Variants in PRKX observed in about 807,000 individuals in gnomAD.
PRKX encodes the protein cAMP-dependent protein kinase catalytic subunit PRKX.
In PRKX, 12 loss-of-function variants were observed where a neutral mutation model predicts 22.0. The observed-to-expected ratio is 0.54, with a 90% CI of 0.35 to 0.88. The LOEUF (loss-of-function observed/expected upper bound fraction) is 0.88, where lower values mean the gene tolerates loss of function less well. Among genes scored for constraint, PRKX ranks in the 40% least tolerant of loss-of-function variants. The pLI, the probability that PRKX is intolerant of heterozygous loss-of-function variation, is 0.01. For synonymous variants in PRKX, 134 were observed against 137.7 expected (o/e 0.97, Z 0.19); for missense variants, 217 against 308.0 (o/e 0.70, Z 2.21).
At position 3,623,071 on chromosome X, in the gene PRKX, G is replaced by A. The variant is rs916069207; in HGVS notation, c.816-1755C>T. 1.0e-4 allele frequency among the ~76,000 whole-genome samples: 10 copies of A among 100,068 alleles called. 1 individual carries two copies. The South Asian group carries it at 2.5e-3, about 25-fold the overall frequency. 86.9% of individuals were successfully genotyped at this position (100,068 alleles called of 115,157 possible). A position where few individuals can be genotyped will look rare whatever the true frequency, so the allele number is the denominator to read the frequency against. On this transcript the variant is annotated intron_variant, in intron 5 of 8. Coordinates refer to ENST00000262848, the MANE Select transcript of PRKX (RefSeq NM_005044.5). Reference sequence around the variant, plus strand: ...TTAAGTGTATACGCTAATGGGGCAGGCAGTGGTGTAAATTATAGGGGGGAA... The same window carrying A: ...TTAAGTGTATACGCTAATGGGGCAGACAGTGGTGTAAATTATAGGGGGGAA...
At chrX:3,639,459 G>T (rs865816093) in intron 4 of PRKX, among the ~76,000 whole-genome samples, 120 of 34,783 alleles carry the variant, frequency 3.4e-3, no homozygotes, top group East Asian at 9.8e-3. Context: ...AGGGGTGGGG[G>T]GGTGGATGGA....
rs760178593 is a variant in PRKX, at chrX:3,633,117, C to T, written c.720-6603G>A. 3.7e-3 allele frequency among the ~76,000 whole-genome samples: 410 copies of T among 110,387 alleles called. 2 individuals carry two copies. Among genetic ancestry groups the T allele is most frequent in the African/African-American group, 0.013 (391 of 30,379 alleles). ...CCTGTGTTCCCAGCTACAGCCTCTG[C>T]GGTCCCCAGCTACAGCCTCTGTAGT... On this transcript the variant is annotated intron_variant, in intron 4 of 8. Transcript: ENST00000262848.
chrX:3,693,423 G>T lies in PRKX; in HGVS notation c.167-18657C>A, dbSNP rs1928373756. ...GAGGGTGGAGATGATCACAGCTTAG[G>T]GTTTGGGCATCTACGCAGTGAGTGC... On this transcript the variant is annotated intron_variant, in intron 1 of 8. Transcript: ENST00000262848. Among the ~76,000 whole-genome samples, 3 of 111,425 alleles carry T rather than the reference G, an allele frequency of 2.7e-5. No homozygotes were observed. In the Admixed American group the frequency reaches 2.9e-4, roughly 11 times the overall value.
At chrX:3,712,522 G>C (rs962731432) in intron 1 of PRKX, among the ~76,000 whole-genome samples, 8 of 112,484 alleles carry the variant, frequency 7.1e-5, no homozygotes, top group African/African-American at 2.6e-4. Context: ...CACAGGCGGT[G>C]TCAGGACATG....
chrX:3,650,245 G>C (rs972217673), intron 3 of PRKX, among the ~76,000 whole-genome samples: 2 of 111,706 alleles, frequency 1.8e-5, no homozygotes, highest in Non-Finnish European at 3.8e-5. Flanking sequence ...AAAATGGCGG[G>C]GCACGGTGGC....
chrX:3,625,987 C>T (rs2146562814), intron 5 of PRKX, among the ~76,000 whole-genome samples: 1 of 112,189 alleles, frequency 8.9e-6, no homozygotes, highest in South Asian at 3.7e-4. Context: ...GCAACATGCT[C>T]AGAACTGAAA....
At chrX:3,639,727 G>A (rs1381520380) in intron 4 of PRKX, among the ~76,000 whole-genome samples, 6 of 110,968 alleles carry the variant, frequency 5.4e-5, no homozygotes, top group Admixed American at 1.9e-4. Flanking sequence ...CTCAGGCTCC[G>A]GTTTTGTGGT....
At position 3,705,836 on chromosome X, in the gene PRKX, C is replaced by T. The variant is rs753475795; in HGVS notation, c.166+7252G>A. Among the ~76,000 whole-genome samples the T allele has an allele frequency of 5.1e-4, 54 of 106,532 alleles. No homozygotes were observed. The Admixed American group carries it at 5.3e-3, about 10-fold the overall frequency. 92.5% of individuals were successfully genotyped at this position (106,532 alleles called of 115,157 possible). A position where few individuals can be genotyped will look rare whatever the true frequency, so the allele number is the denominator to read the frequency against. On this transcript the variant is annotated intron_variant, in intron 1 of 8. Transcript: ENST00000262848. ...CCAGCAGCTGGGACTAACAGGCGCC[C>T]GCCACCACACCCGGCTAATTTTTTT...
At chrX:3,691,505 C>T (rs188758192) in intron 1 of PRKX, among the ~76,000 whole-genome samples, 51 of 109,353 alleles carry the variant, frequency 4.7e-4, no homozygotes, top group African/African-American at 1.6e-3. Context: ...TTATAAAATT[C>T]ATTAATTCCC....
chrX:3,630,299 C>T (rs1926743459), intron 4 of PRKX, among the ~76,000 whole-genome samples: 3 of 110,382 alleles, frequency 2.7e-5, no homozygotes, highest in Admixed American at 2.0e-4. Flanking sequence ...GTGGCTCATG[C>T]CTGTAATCCC....
intron 1 of PRKX, among the ~76,000 whole-genome samples, chrX:3,710,952 AG>A (rs913848701): frequency 3.6e-5 from 4 of 111,945 alleles, no homozygotes; most frequent in Non-Finnish European, 7.5e-5. Context: ...CTTGGAAAAC[AG>A]TCCAAAGCTG....
chrX:3,649,213 A>C (rs1789210915), intron 3 of PRKX, among the ~76,000 whole-genome samples: 1 of 111,195 alleles, frequency 9.0e-6, no homozygotes, highest in African/African-American at 3.3e-5. Flanking sequence ...AATATTCCAC[A>C]ATCTGAAAAA....
In PRKX at chrX:3,713,315, C is replaced by G. The variant is rs1928834124; in HGVS notation, c.-62G>C. The stretch of plus-strand genomic sequence containing the variant: ...GGAGCGCTCGGGGAGCCGGGCTTCC[C>G]GGGACGCAGCCTCGGAGGGCGGCGC... On this transcript the variant is annotated 5_prime_UTR_variant, in exon 1 of 9. Transcript: ENST00000262848. The G allele has an allele frequency of 1.1e-6, 1 of 916,670 alleles. No individual in the cohort carries two copies. The highest frequency in any genetic ancestry group is 1.4e-6 in the Non-Finnish European group (1 of 731,977). 75.5% of individuals were successfully genotyped at this position (916,670 alleles called of 1,213,427 possible).
chrX:3,671,039 T>A (rs1394058973), intron 2 of PRKX, among the ~76,000 whole-genome samples: 9 of 110,080 alleles, frequency 8.2e-5, no homozygotes, highest in Non-Finnish European at 1.1e-4. Flanking sequence ...TTTATTTTTA[T>A]TTATTATTAT....
intron 2 of PRKX, among the ~76,000 whole-genome samples, chrX:3,664,259 G>A (rs1927674680): frequency 8.9e-6 from 1 of 111,753 alleles, no homozygotes; most frequent in African/African-American, 3.3e-5. Context: ...TCCTAGATAG[G>A]GTCTCGCTCT....
intron 1 of PRKX, among the ~76,000 whole-genome samples, chrX:3,687,900 T>TAC (rs1928209796): frequency 8.9e-6 from 1 of 111,837 alleles, no homozygotes; most frequent in African/African-American, 3.2e-5. Flanking sequence ...GAGAGGTGGC[T>TAC]ACATGGAAAA....
intron 1 of PRKX, among the ~76,000 whole-genome samples, chrX:3,712,368 CGT>C (rs1928808316): frequency 8.9e-6 from 1 of 111,737 alleles, no homozygotes; most frequent in Non-Finnish European, 1.9e-5. Context: ...TAAAGCAGCG[CGT>C]GTCCGGATGC....
chrX:3,609,666 G>T (rs1045928486), intron 8 of PRKX, among the ~76,000 whole-genome samples: 5 of 110,542 alleles, frequency 4.5e-5, no homozygotes, highest in Non-Finnish European at 7.6e-5. Context: ...TGTTGCCCAG[G>T]CTTGATCTCA....
At chrX:3,693,791 T>C (rs1347728699) in intron 1 of PRKX, among the ~76,000 whole-genome samples, 1 of 107,109 alleles carries the variant, frequency 9.3e-6, no homozygotes, top group East Asian at 3.0e-4. Flanking sequence ...CAAAAAAAAA[T>C]TAGCCGGGTG....
Sources: gnomAD v4.1 joint callset for allele counts (sites outside exome capture counted in the v4.1 genomes callset) on GRCh38, gnomAD v4.1.1 for gene constraint, MANE v1.5 for transcripts, NCBI Gene and HGNC (gene_info 2026-07-23, HGNC 2026-07-21) for gene names.